BICD1: variants seen among roughly 807,000 people sequenced by gnomAD.
BICD1 encodes protein bicaudal D homolog 1.
BICD1 carries 35 observed loss-of-function variants against 92.5 expected under a neutral mutation model. The ratio of observed to expected loss-of-function variants is 0.38; its 90% CI spans 0.29 to 0.50. The LOEUF (loss-of-function observed/expected upper bound fraction) is 0.50, where lower values mean the gene tolerates loss of function less well. Among genes scored for constraint, BICD1 ranks in the 20% least tolerant of loss-of-function variants. The pLI, the probability that BICD1 is intolerant of heterozygous loss-of-function variation, is 0.93. For missense variants in BICD1, 950 were observed against 1,189.8 expected, an observed-to-expected ratio of 0.80 and a Z score of 2.97; for synonymous variants, 429 against 465.1, an observed-to-expected ratio of 0.92 and a Z score of 1.00.
In BICD1 at chr12:32,160,375, G is replaced by A. The variant is rs114448205; in HGVS notation, c.213+52831G>A. On this transcript the variant is annotated intron_variant, in intron 1 of 9. Transcript: ENST00000652176. ...TTTATCTTTAAAATGTAAAGCCATC[G>A]TTAGCTAAGCTAGCTTAAAAATTCT... Among the ~76,000 whole-genome samples, 797 of 152,302 alleles carry A rather than the reference G, an allele frequency of 5.2e-3. 10 individuals carry two copies. Among genetic ancestry groups the A allele is most frequent in the African/African-American group, 0.018 (767 of 41,568 alleles).
chr12:32,337,448 A>T lies in BICD1; in HGVS notation c.2253-51A>T. 6.5e-7 allele frequency: 1 copy of T among 1,540,578 alleles called. No homozygotes were observed. Among genetic ancestry groups the T allele is most frequent in the Non-Finnish European group, 8.8e-7 (1 of 1,133,154 alleles). On this transcript the variant is annotated intron_variant, in intron 6 of 9. Transcript: ENST00000652176. The surrounding 1 kb of genome is among the most constrained non-coding windows in gnomAD (Gnocchi z 4.7). ...TATTACTTTTCAGCTTAACTCCCAA[A>T]TTCAGTTTCACCAAGATTTTCCTCT...
chr12:32,276,314 C>T (rs1947275816), intron 2 of BICD1, among the ~76,000 whole-genome samples: 1 of 152,122 alleles, frequency 6.6e-6, no homozygotes, highest in Non-Finnish European at 1.5e-5. Context: ...GCCAACCTCC[C>T]CAACAGCACT....
In BICD1 at chr12:32,275,764, G is replaced by T. The variant is rs1166284216; in HGVS notation, c.427-18230G>T. On this transcript the variant is annotated intron_variant, in intron 2 of 9. Coordinates refer to ENST00000652176, the MANE Select transcript of BICD1 (RefSeq NM_001714.4). ...CTCCTGATCCAGCGAGACTCCCATT[G>T]CCACTCCCGATTGTGCTAAAAGCTT... Among the ~76,000 whole-genome samples, 3 of 152,026 alleles carry T rather than the reference G, an allele frequency of 2.0e-5. No homozygotes were observed. In the East Asian group the frequency reaches 5.8e-4, roughly 29 times the overall value.
chr12:32,338,217 G>A (rs1298112752), intron 7 of BICD1: 2 of 197,310 alleles, frequency 1.0e-5, no homozygotes, highest in Non-Finnish European at 2.1e-5. Context: ...TGGAAATGGT[G>A]CTGTTTATCA....
In BICD1 at chr12:32,134,129, G is replaced by A. The variant is rs1052465190; in HGVS notation, c.213+26585G>A. 2.0e-5 allele frequency among the ~76,000 whole-genome samples: 3 copies of A among 152,132 alleles called. No individual in the cohort carries two copies. In the East Asian group the frequency reaches 5.8e-4, roughly 29 times the overall value. ...AAGTTAAAATAATTATTTATAGGAA[G>A]CAGTTGTGCACTGTAGATTAGGAAC... On this transcript the variant is annotated intron_variant, in intron 1 of 9. Coordinates refer to ENST00000652176, the MANE Select transcript of BICD1 (RefSeq NM_001714.4).
rs1475570836 is a variant in BICD1, at chr12:32,257,140, G to A, written c.427-36854G>A. ...AGGCAGAAGAATTGCCTGAACCGGG[G>A]AGGCGGAGGTTGCAGTGAGCAGAGA... On this transcript the variant is annotated intron_variant, in intron 2 of 9. Coordinates refer to ENST00000652176, the MANE Select transcript of BICD1 (RefSeq NM_001714.4). 6.0e-5 allele frequency among the ~76,000 whole-genome samples: 9 copies of A among 150,506 alleles called. No homozygotes were observed. The South Asian group carries it at 1.9e-3, about 32-fold the overall frequency.
intron 3 of BICD1, among the ~76,000 whole-genome samples, chr12:32,296,496 A>G (rs1354649723): frequency 6.6e-6 from 1 of 151,894 alleles, no homozygotes; most frequent in African/African-American, 2.4e-5. Context: ...TGACCTCATG[A>G]TCTGCCCGCC....
chr12:32,150,935 C>T (rs1422559278), intron 1 of BICD1, among the ~76,000 whole-genome samples: 2 of 152,054 alleles, frequency 1.3e-5, no homozygotes, highest in African/African-American at 4.8e-5. Flanking sequence ...ATAGCCCTTC[C>T]TTGTAATCTT....
At chr12:32,259,950 G>A (rs1048277977) in intron 2 of BICD1, among the ~76,000 whole-genome samples, 11 of 147,962 alleles carry the variant, frequency 7.4e-5, no homozygotes, top group Non-Finnish European at 1.2e-4. Flanking sequence ...TTGAGATGGA[G>A]TTTTGCTCTT....
chr12:32,366,439 G>A (rs1472592295), intron 8 of BICD1, among the ~76,000 whole-genome samples: 1 of 152,168 alleles, frequency 6.6e-6, no homozygotes, highest in African/African-American at 2.4e-5. Context: ...GACCAATATG[G>A]TGAAACCCTG....
At chr12:32,310,883 T>C (rs1948354419) in intron 4 of BICD1, among the ~76,000 whole-genome samples, 1 of 152,180 alleles carries the variant, frequency 6.6e-6, no homozygotes, top group Admixed American at 6.5e-5. Context: ...TTTAAAGAAC[T>C]CCTTTGAAAA....
intron 1 of BICD1, among the ~76,000 whole-genome samples, chr12:32,209,283 A>G (rs1306890375): frequency 6.6e-6 from 1 of 152,232 alleles, no homozygotes; most frequent in Non-Finnish European, 1.5e-5. Flanking sequence ...ATTATAACTC[A>G]TATGCTTTCT....
intron 1 of BICD1, among the ~76,000 whole-genome samples, chr12:32,191,102 A>G (rs1944550871): frequency 6.6e-6 from 1 of 152,154 alleles, no homozygotes; most frequent in Non-Finnish European, 1.5e-5. Flanking sequence ...CTAAGAGGGA[A>G]GTTTAGAGGG....
At chr12:32,353,510 A>T (rs1350490644) in intron 8 of BICD1, 1 of 152,052 alleles carries the variant, frequency 6.6e-6, no homozygotes, top group Non-Finnish European at 1.5e-5. Flanking sequence ...TAATTTTCAG[A>T]TCCATTGATT....
intron 4 of BICD1, among the ~76,000 whole-genome samples, chr12:32,311,865 A>T (rs557034365): frequency 1.3e-5 from 2 of 152,252 alleles, no homozygotes; most frequent in Non-Finnish European, 2.9e-5. Context: ...TTTTCCCACA[A>T]GAGACTTTGC....
At chr12:32,253,185 C>T (rs577986141) in intron 2 of BICD1, among the ~76,000 whole-genome samples, 3 of 152,262 alleles carry the variant, frequency 2.0e-5, no homozygotes, top group Admixed American at 2.0e-4. Flanking sequence ...GCCCAGCCAG[C>T]ATCTTACTAT....
chr12:32,177,026 G>GT (rs1178699467), intron 1 of BICD1, among the ~76,000 whole-genome samples: 1 of 151,192 alleles, frequency 6.6e-6, no homozygotes, highest in African/African-American at 2.4e-5. Context: ...AAGAATTACA[G>GT]TTTTTTGGCC....
At position 32,328,003 on chromosome 12, in the gene BICD1, T is replaced by C; in HGVS notation, c.1548T>C (p.Ala516=). ...DELVTFSEEL[A]QLYHHVCLCN... is the part of the protein sequence containing the mutation. ...TAGTGACATTCAGTGAGGAGTTAGCTCAGCTTTACCACCATGTGTGTCTAT... is the reference window on the plus strand; with the variant it reads ...TAGTGACATTCAGTGAGGAGTTAGCCCAGCTTTACCACCATGTGTGTCTAT... Residue 516 remains alanine (A), a synonymous_variant, in exon 5 of 10, where the codon GCT becomes GCC. Transcript: ENST00000652176. The surrounding 1 kb of genome is among the most constrained non-coding windows in gnomAD (Gnocchi z 4.4). 1 of 1,613,996 alleles carries C rather than the reference T, an allele frequency of 6.2e-7. No homozygotes were observed. Among genetic ancestry groups the C allele is most frequent in the African/African-American group, 1.3e-5 (1 of 74,912 alleles).
intron 2 of BICD1, among the ~76,000 whole-genome samples, chr12:32,287,466 G>A (rs1048326052): frequency 2.0e-5 from 3 of 151,822 alleles, no homozygotes; most frequent in Non-Finnish European, 4.4e-5. Flanking sequence ...CCACAATTTG[G>A]GAGCTTTAAA....
Sources: allele counts gnomAD v4.1 joint callset (sites outside exome capture counted in the v4.1 genomes callset), GRCh38; gene constraint gnomAD v4.1.1; non-coding constraint Gnocchi (gnomAD v3.1); transcripts MANE v1.5; gene names NCBI Gene and HGNC (gene_info 2026-07-23, HGNC 2026-07-21).